Variants in ANKRD44 observed in about 807,000 individuals in gnomAD.
ANKRD44 encodes the protein ankyrin repeat domain 44, also known as serine/threonine-protein phosphatase 6 regulatory ankyrin repeat subunit B.
In ANKRD44, 35 loss-of-function variants were observed where a neutral mutation model predicts 116.0. That is an observed-to-expected ratio of 0.30 (90% confidence interval 0.23 to 0.40). The LOEUF is 0.40. Ranked by LOEUF, ANKRD44 falls within the 10% of genes least tolerant of loss-of-function variation. The pLI is 1.00. For synonymous variants in ANKRD44, 435 were observed against 461.8 expected (o/e 0.94, Z 0.74); for missense variants, 1,014 against 1,242.6 (o/e 0.82, Z 2.77).
intron 16 of ANKRD44, among the ~76,000 whole-genome samples, chr2:197,035,294 C>T (rs1482123909): frequency 1.3e-5 from 2 of 152,006 alleles, no homozygotes; most frequent in African/African-American, 4.8e-5. Context: ...GAAAACATGG[C>T]AGGGAAAAAT....
intron 2 of ANKRD44, among the ~76,000 whole-genome samples, chr2:197,162,971 G>A (rs2080005847): frequency 6.6e-6 from 1 of 152,202 alleles, no homozygotes; most frequent in African/African-American, 2.4e-5. Context: ...GGTTTCTGTG[G>A]TGAGACAGAG....
intron 21 of ANKRD44, among the ~76,000 whole-genome samples, chr2:197,004,668 A>C (rs1300960937): frequency 6.6e-6 from 1 of 152,170 alleles, no homozygotes; most frequent in African/African-American, 2.4e-5. Flanking sequence ...GTTTGGTGAA[A>C]TAATAAATTT....
chr2:197,017,025 A>T (rs2076405461), intron 17 of ANKRD44, among the ~76,000 whole-genome samples: 1 of 152,200 alleles, frequency 6.6e-6, no homozygotes, highest in Admixed American at 6.5e-5. Flanking sequence ...AATAAGTAAA[A>T]TTTTAAAGTA....
chr2:197,120,886 A>G (rs531393150), intron 8 of ANKRD44, among the ~76,000 whole-genome samples: 1 of 151,412 alleles, frequency 6.6e-6, no homozygotes, highest in African/African-American at 2.4e-5. Flanking sequence ...GAGCCTTGGT[A>G]CCTTTCAGCT....
chr2:197,014,605 T>C (rs536385305), intron 17 of ANKRD44, among the ~76,000 whole-genome samples: 1 of 151,720 alleles, frequency 6.6e-6, no homozygotes, highest in South Asian at 2.1e-4. Context: ...CTGGCCAAAA[T>C]AGTGAAACCT....
At chr2:197,277,118 G>A (rs780163332) in intron 1 of ANKRD44, among the ~76,000 whole-genome samples, 16 of 151,716 alleles carry the variant, frequency 1.1e-4, no homozygotes, top group Non-Finnish European at 1.9e-4. Flanking sequence ...TAGTAGAGAC[G>A]GGGTTTTACT....
intron 1 of ANKRD44, 127 bp downstream of exon 1, chr2:197,310,451 C>G: frequency 1.6e-6 from 1 of 615,538 alleles, no homozygotes; most frequent in South Asian, 6.8e-5. Context: ...GGCGGCCGCA[C>G]ACAGTCCTCC....
chr2:197,068,387 TAAA>T lies in ANKRD44; in HGVS notation c.1650+10313_1650+10315del, dbSNP rs768350471. ...AAAAAAAATAAAAAAAAGAAAAAAA[TAAA>T]AAAAAAATAAAAATAAAATAAAAAA... is the stretch of plus-strand genomic sequence containing the variant. On this transcript the variant is annotated intron_variant, in intron 16 of 27. Transcript: ENST00000282272. 5.6e-3 allele frequency among the ~76,000 whole-genome samples: 378 copies of T among 66,942 alleles called. 3 individuals are homozygous for T. Among genetic ancestry groups the T allele is most frequent in the African/African-American group, 0.014 (363 of 26,246 alleles). The allele number at this position is 66,942 out of a possible 152,430, so 43.9% of individuals were successfully genotyped here.
intron 2 of ANKRD44, among the ~76,000 whole-genome samples, chr2:197,167,022 T>TG (rs1421680083): frequency 4.6e-5 from 7 of 152,222 alleles, no homozygotes; most frequent in African/African-American, 1.7e-4. Flanking sequence ...AATTAATATA[T>TG]GTGGTATTTT....
At chr2:197,291,443 G>A (rs955805963) in intron 1 of ANKRD44, among the ~76,000 whole-genome samples, 19 of 152,220 alleles carry the variant, frequency 1.2e-4, no homozygotes, top group African/African-American at 3.9e-4. Flanking sequence ...CCAGGAGGCG[G>A]AGGCTGCAGT....
At chr2:197,042,819 AT>A (rs1393185914) in intron 16 of ANKRD44, among the ~76,000 whole-genome samples, 4 of 152,138 alleles carry the variant, frequency 2.6e-5, no homozygotes, top group African/African-American at 9.7e-5. Flanking sequence ...TTTTCAGTAA[AT>A]GCAAGGCATT....
At chr2:197,111,530 T>A (rs1404428802) in intron 8 of ANKRD44, among the ~76,000 whole-genome samples, 1 of 151,626 alleles carries the variant, frequency 6.6e-6, no homozygotes, top group East Asian at 1.9e-4. Context: ...TCCCAGCTAC[T>A]GGGGATGCTA....
At chr2:197,233,749 A>G (rs1005416014) in intron 1 of ANKRD44, among the ~76,000 whole-genome samples, 3 of 152,266 alleles carry the variant, frequency 2.0e-5, no homozygotes, top group Non-Finnish European at 4.4e-5. Context: ...TAAGCATTTT[A>G]AAACTACACA....
chr2:197,008,899 C>T, intron 19 of ANKRD44, 45 bp downstream of exon 19: 7 of 1,543,992 alleles, frequency 4.5e-6, no homozygotes, highest in Non-Finnish European at 6.3e-6. Flanking sequence ...CAGGTAGCTG[C>T]TGTGATTGAA....
At chr2:197,150,471 C>G (rs2079615647) in intron 2 of ANKRD44, among the ~76,000 whole-genome samples, 1 of 152,054 alleles carries the variant, frequency 6.6e-6, no homozygotes, top group South Asian at 2.1e-4. Context: ...ATGGCATGAA[C>G]CCGGGAGGCG....
chr2:197,171,184 G>T (rs1324885073), intron 2 of ANKRD44, among the ~76,000 whole-genome samples: 1 of 152,194 alleles, frequency 6.6e-6, no homozygotes, highest in Non-Finnish European at 1.5e-5. Context: ...GCCCTTAGGA[G>T]TACAGAGGTG....
intron 18 of ANKRD44, among the ~76,000 whole-genome samples, chr2:197,010,400 C>A (rs981125410): frequency 5.3e-5 from 8 of 151,946 alleles, no homozygotes; most frequent in Non-Finnish European, 7.4e-5. Flanking sequence ...CTAGGCCAGA[C>A]TGGGCCTCCC....
chr2:197,004,259 G>A (rs2076163594), intron 21 of ANKRD44, among the ~76,000 whole-genome samples: 1 of 152,012 alleles, frequency 6.6e-6, no homozygotes, highest in Admixed American at 6.6e-5. Context: ...ATACATATTT[G>A]TTGAAAATAT....
intron 1 of ANKRD44, among the ~76,000 whole-genome samples, chr2:197,214,260 A>G (rs2081389901): frequency 6.6e-6 from 1 of 152,244 alleles, no homozygotes; most frequent in Non-Finnish European, 1.5e-5. Context: ...ATGGCACATC[A>G]AAATGATGGG....
Sources: allele counts gnomAD v4.1 joint callset (sites outside exome capture counted in the v4.1 genomes callset), GRCh38; gene constraint gnomAD v4.1.1; transcripts MANE v1.5; gene names NCBI Gene and HGNC (gene_info 2026-07-23, HGNC 2026-07-21).